P2RY14: variants seen among roughly 807,000 people sequenced by gnomAD.
P2RY14 encodes P2Y purinoceptor 14.
A neutral mutation model predicts 0.9 loss-of-function variants in P2RY14; 2 were observed. That is an observed-to-expected ratio of 2.16 (90% confidence interval 0.88 to 6.79). P2RY14 has a LOEUF of 6.79. Among genes scored for constraint, P2RY14 ranks in the 30% most tolerant of loss-of-function variants. P2RY14 has a pLI of 0.05. For synonymous variants in P2RY14, 158 were observed against 147.2 expected, an observed-to-expected ratio of 1.07 and a Z score of -0.53; for missense variants, 378 against 400.1, an observed-to-expected ratio of 0.94 and a Z score of 0.47.
chr3:151,263,348 C>T (rs1739251979), intron 1 of P2RY14, among the ~76,000 whole-genome samples: 1 of 152,198 alleles, frequency 6.6e-6, no homozygotes, highest in Non-Finnish European at 1.5e-5. Context: ...AACTGGATAA[C>T]ATTGCATTAT....
chr3:151,229,078 A>G (rs138569236), intron 1 of P2RY14, among the ~76,000 whole-genome samples: 1 of 152,288 alleles, frequency 6.6e-6, no homozygotes, highest in East Asian at 1.9e-4. Context: ...CTGAATATCA[A>G]CCACTTGTGT....
In P2RY14 at chr3:151,213,910, C is replaced by T. The variant is rs1256464756; in HGVS notation, c.407G>A (p.Ser136Asn). ...TATCACTGACAGAAGTTTGCTGTAA[C>T]TCACTGACTGGATGAAAGAAGTCCA... ...PLWTSFIQSV[S>N]YSKLLSVIVW... The change falls in exon 3 of 3, where the codon AGT becomes AAT. Residue 136 changes from serine (S) to asparagine (N), a missense_variant. Ser to Asn is a conservative substitution (Grantham distance 46). Transcript: ENST00000309170. The T allele has an allele frequency of 1.2e-6, 2 of 1,614,038 alleles. No individual in the cohort carries two copies. Among genetic ancestry groups the T allele is most frequent in the East Asian group, 2.2e-5 (1 of 44,892 alleles).
chr3:151,213,827 C>T lies in P2RY14; in HGVS notation c.490G>A (p.Val164Ile). The change falls in exon 3 of 3, where the codon GTT becomes ATT. Residue 164 changes from valine (V) to isoleucine (I), a missense_variant. Transcript: ENST00000309170. Reference protein sequence around the residue: ...VPNIILTNQSVREVTQIKCIE... With the variant: ...VPNIILTNQSIREVTQIKCIE... Reference sequence around the variant, plus strand: ...CATTTTATTTGTGTAACCTCCCTAACACTCTGGTTGGTGAGAATAATATTT... The same window carrying T: ...CATTTTATTTGTGTAACCTCCCTAATACTCTGGTTGGTGAGAATAATATTT... 1 of 1,614,192 alleles carries T rather than the reference C, an allele frequency of 6.2e-7. No individual in the cohort carries two copies. The highest frequency in any genetic ancestry group is 8.5e-7 in the Non-Finnish European group (1 of 1,180,026).
intron 1 of P2RY14, among the ~76,000 whole-genome samples, chr3:151,277,101 G>A (rs185511194): frequency 6.6e-6 from 1 of 151,926 alleles, no homozygotes; most frequent in African/African-American, 2.4e-5. Context: ...GTTTTACCAC[G>A]TTGGCCAGGC....
At chr3:151,255,945 A>G (rs1559945932) in intron 1 of P2RY14, among the ~76,000 whole-genome samples, 1 of 152,210 alleles carries the variant, frequency 6.6e-6, no homozygotes, top group Non-Finnish European at 1.5e-5. Flanking sequence ...TAAATCACGT[A>G]AGGTGTATTT....
In P2RY14 at chr3:151,247,619, G is replaced by A. The variant is rs533474538; in HGVS notation, c.-132-27977C>T. On this transcript the variant is annotated intron_variant, in intron 1 of 2. Transcript: ENST00000309170. Reference sequence around the variant, plus strand: ...ACACTCCGGGGACTGTTGTGGGGTCGGGGAGGGGGGAGGGATAGCATTGGG... The same window carrying A: ...ACACTCCGGGGACTGTTGTGGGGTCAGGGAGGGGGGAGGGATAGCATTGGG... Among the ~76,000 whole-genome samples the A allele has an allele frequency of 7.3e-5, 10 of 136,852 alleles. No homozygotes were observed. In the Middle Eastern group the frequency reaches 0.011, roughly 150 times the overall value. The allele number at this position is 136,852 out of a possible 152,430, so 89.8% of individuals were successfully genotyped here.
At position 151,213,873 on chromosome 3, in the gene P2RY14, G is replaced by A. The variant is rs754325649; in HGVS notation, c.444C>T (p.Leu148=). ...SKLLSVIVWM[L]MLLLAVPNII... ...TATTTGGAACAGCAAGGAGGAGCAT[G>A]AGCATCCATACTATCACTGACAGAA... Residue 148 remains leucine (L), a synonymous_variant, in exon 3 of 3, where the codon CTC becomes CTT. Transcript: ENST00000309170. 12 of 1,613,776 alleles carry A rather than the reference G, an allele frequency of 7.4e-6. No individual in the cohort carries two copies. The South Asian group carries it at 1.3e-4, about 18-fold the overall frequency.
At chr3:151,229,305 C>CTTTT (rs35097589) in intron 1 of P2RY14, among the ~76,000 whole-genome samples, 10 of 112,516 alleles carry the variant, frequency 8.9e-5, no homozygotes, top group East Asian at 2.4e-4. Flanking sequence ...TTCAGCAATT[C>CTTTT]TTTTTTTTTT....
intron 1 of P2RY14, among the ~76,000 whole-genome samples, chr3:151,247,978 T>C (rs2149432341): frequency 6.9e-6 from 1 of 144,412 alleles, no homozygotes; most frequent in East Asian, 2.0e-4. Context: ...TTTTTTTTTT[T>C]TTTTTTTGCC....
intron 1 of P2RY14, among the ~76,000 whole-genome samples, chr3:151,231,616 A>G (rs1229450563): frequency 6.6e-6 from 1 of 152,224 alleles, no homozygotes; most frequent in African/African-American, 2.4e-5. Flanking sequence ...AGAAACAAAC[A>G]TGATGGGCTG....
intron 1 of P2RY14, among the ~76,000 whole-genome samples, chr3:151,253,818 T>G (rs1293663354): frequency 6.6e-6 from 1 of 152,062 alleles, no homozygotes; most frequent in East Asian, 1.9e-4. Context: ...ACATTGTCCT[T>G]TTGCTGAGAG....
intron 1 of P2RY14, among the ~76,000 whole-genome samples, chr3:151,266,345 G>T (rs1454188174): frequency 6.6e-6 from 1 of 152,224 alleles, no homozygotes; most frequent in African/African-American, 2.4e-5. Context: ...CACTGCATGT[G>T]TCTGGAAATC....
rs1443167404 is a variant in P2RY14 at position 151,214,169 on chromosome 3, C to T, written c.148G>A (p.Val50Met). 2.1e-5 allele frequency: 34 copies of T among 1,613,936 alleles called. No homozygotes were observed. Among genetic ancestry groups the T allele is most frequent in the African/African-American group, 9.3e-5 (7 of 74,870 alleles). The change falls in exon 3 of 3, where the codon GTG (valine) becomes ATG (methionine). Residue 50 changes from valine (V) to methionine (M), a missense_variant. Transcript: ENST00000309170. Reference protein sequence around the residue: ...NGVSGWIFFYVPSSKSFIIYL... With the variant: ...NGVSGWIFFYMPSSKSFIIYL... ...ATGATGAAACTCTTAGAGCTGGGCA[C>T]GTAAAAGAATATCCATCCTGACACT...
intron 1 of P2RY14, among the ~76,000 whole-genome samples, chr3:151,235,909 C>A (rs1378075255): frequency 6.6e-6 from 1 of 152,038 alleles, no homozygotes; most frequent in Non-Finnish European, 1.5e-5. Flanking sequence ...TAGCCTCTTA[C>A]CACGTTTGTT....
intron 1 of P2RY14, among the ~76,000 whole-genome samples, chr3:151,257,860 C>T (rs1486680281): frequency 6.6e-6 from 1 of 152,158 alleles, no homozygotes; most frequent in African/African-American, 2.4e-5. Flanking sequence ...TTTTTATATT[C>T]CAAGTTCCTC....
Position 151,239,445 on chromosome 3 carries a change from A to G in P2RY14, c.-132-19803T>C, listed in dbSNP as rs370693997. Reference sequence around the variant, plus strand: ...CTAAACATTTTGCAAGAGATTGGACATGGAAGTGGATATGAGAATCCAACT... The same window carrying G: ...CTAAACATTTTGCAAGAGATTGGACGTGGAAGTGGATATGAGAATCCAACT... On this transcript the variant is annotated intron_variant, in intron 1 of 2. Coordinates refer to ENST00000309170, the MANE Select transcript of P2RY14 (RefSeq NM_014879.4). Among the ~76,000 whole-genome samples, 31 of 152,356 alleles carry G rather than the reference A, an allele frequency of 2.0e-4. No individual in the cohort carries two copies. In the East Asian group the frequency reaches 5.6e-3, roughly 28 times the overall value.
intron 1 of P2RY14, among the ~76,000 whole-genome samples, chr3:151,239,168 A>T (rs1488695137): frequency 6.6e-6 from 1 of 152,236 alleles, no homozygotes; most frequent in Non-Finnish European, 1.5e-5. Context: ...TTTCTGCATG[A>T]ATGTATTTTA....
At chr3:151,226,673 G>GT (rs1335218060) in intron 1 of P2RY14, among the ~76,000 whole-genome samples, 1 of 151,946 alleles carries the variant, frequency 6.6e-6, no homozygotes, top group Admixed American at 6.5e-5. Context: ...TATTATTTTT[G>GT]TTTTTGATCT....
chr3:151,271,318 A>G (rs1740899047), intron 1 of P2RY14, among the ~76,000 whole-genome samples: 1 of 152,244 alleles, frequency 6.6e-6, no homozygotes, highest in African/African-American at 2.4e-5. Flanking sequence ...ATAAGGTAGT[A>G]CTTTCACCCA....
Sources: allele counts gnomAD v4.1 joint callset (sites outside exome capture counted in the v4.1 genomes callset), GRCh38; gene constraint gnomAD v4.1.1; transcripts MANE v1.5; gene names NCBI Gene and HGNC (gene_info 2026-07-23, HGNC 2026-07-21).